MAP3K13: variants seen among roughly 807,000 people sequenced by gnomAD.
MAP3K13 encodes mitogen-activated protein kinase kinase kinase 13.
MAP3K13 carries 52 observed loss-of-function variants against 104.0 expected under a neutral mutation model. That is an observed-to-expected ratio of 0.50 (90% CI 0.40 to 0.63). The LOEUF (loss-of-function observed/expected upper bound fraction) is 0.63, where lower values mean the gene tolerates loss of function less well. Among genes scored for constraint, MAP3K13 ranks in the 20% least tolerant of loss-of-function variants. The pLI is 0.00. For missense variants in MAP3K13, 914 were observed against 1,218.5 expected (o/e 0.75, Z 3.72); for synonymous variants, 394 against 442.2 (o/e 0.89, Z 1.37).
chr3:185,375,396 G>A (rs747495099), intron 1 of MAP3K13, among the ~76,000 whole-genome samples: 4 of 152,200 alleles, frequency 2.6e-5, no homozygotes, highest in Admixed American at 2.0e-4. Context: ...GGAACACTGA[G>A]AAGTGATTTC....
chr3:185,385,794 G>A (rs556583529), intron 1 of MAP3K13, among the ~76,000 whole-genome samples: 1 of 152,254 alleles, frequency 6.6e-6, no homozygotes, highest in African/African-American at 2.4e-5. Context: ...CCTGAGGTCA[G>A]GAGTTCGAGA....
In MAP3K13 at chr3:185,488,069, T is replaced by C. The variant is rs974097452; in HGVS notation, c.*5613T>C. 6.6e-6 allele frequency: 1 copy of C among 152,240 alleles called. No individual in the cohort carries two copies. Among genetic ancestry groups the C allele is most frequent in the Non-Finnish European group, 1.5e-5 (1 of 68,040 alleles). The allele number at this position is 152,240 out of a possible 1,614,324, so 9.4% of individuals were successfully genotyped here. ...GATCCCATTCCAAAATGTCTCTTCA[T>C]TCACATCATTTAATTCTGTTGAATG... On this transcript the variant is annotated 3_prime_UTR_variant, in exon 14 of 14. Transcript: ENST00000265026.
rs548197272 is a variant in MAP3K13, at chr3:185,483,647, T to C, written c.*1191T>C. 3.8e-4 allele frequency: 79 copies of C among 210,616 alleles called. No homozygotes were observed. The highest frequency in any genetic ancestry group is 6.4e-4 in the Non-Finnish European group (67 of 103,882). The allele number at this position is 210,616 out of a possible 1,614,324, so 13.0% of individuals were successfully genotyped here. A position where few individuals can be genotyped will look rare whatever the true frequency, so the allele number is the denominator to read the frequency against. On this transcript the variant is annotated 3_prime_UTR_variant, in exon 14 of 14. Coordinates refer to ENST00000265026, the MANE Select transcript of MAP3K13 (RefSeq NM_004721.5). ...GGCAGCTAGGATGTATGTGTGTCTATACAATGTCTGAGCCCAAACCATCCC... is the reference window on the plus strand; with the variant it reads ...GGCAGCTAGGATGTATGTGTGTCTACACAATGTCTGAGCCCAAACCATCCC...
chr3:185,465,875 G>A lies in MAP3K13; in HGVS notation c.1505+12G>A. The A allele has an allele frequency of 6.4e-7, 1 of 1,567,664 alleles. No homozygotes were observed. The highest frequency in any genetic ancestry group is 1.1e-5 in the South Asian group (1 of 90,038). On this transcript the variant is annotated intron_variant, in intron 9 of 13. Coordinates refer to ENST00000265026, the MANE Select transcript of MAP3K13 (RefSeq NM_004721.5). ...AAGGAGCTCATTAAGTATGTATCCA[G>A]ACTAGTGTCTGTTCTTACTGATTTG...
intron 1 of MAP3K13, among the ~76,000 whole-genome samples, chr3:185,411,375 C>G (rs1167551544): frequency 6.6e-6 from 1 of 152,180 alleles, no homozygotes; most frequent in African/African-American, 2.4e-5. Flanking sequence ...AATCTTATTA[C>G]TGTTATTTTG....
At chr3:185,454,649 T>TATGA in intron 7 of MAP3K13, among the ~76,000 whole-genome samples, 1 of 93,336 alleles carries the variant, frequency 1.1e-5, no homozygotes, top group Non-Finnish European at 2.0e-5. Flanking sequence ...GATATATATA[T>TATGA]GATATATATA....
In MAP3K13 at chr3:185,437,591, A is replaced by T. The variant is rs571598945; in HGVS notation, c.620A>T (p.His207Leu). ...GAACAGAATGAGACGGATATCAAGC[A>T]TTTGAGGAAGTTGAAGCACCCTAAC... ...VREQNETDIK[H>L]LRKLKHPNII... The change falls in exon 3 of 14, where the codon CAT (histidine) becomes CTT (leucine). Residue 207 changes from histidine (H) to leucine (L), a missense_variant. Transcript: ENST00000265026. 19 of 1,612,998 alleles carry T rather than the reference A, an allele frequency of 1.2e-5. No individual in the cohort carries two copies. In the East Asian group the frequency reaches 4.0e-4, roughly 34 times the overall value.
chr3:185,412,003 C>T (rs931889034), intron 1 of MAP3K13, among the ~76,000 whole-genome samples: 1 of 151,962 alleles, frequency 6.6e-6, no homozygotes, highest in African/African-American at 2.4e-5. Context: ...AGGCTGGTCT[C>T]GAACTCTGGA....
intron 1 of MAP3K13, among the ~76,000 whole-genome samples, chr3:185,368,621 G>A (rs1724002501): frequency 6.6e-6 from 1 of 152,020 alleles, no homozygotes; most frequent in Non-Finnish European, 1.5e-5. Context: ...AGGGTGGAGG[G>A]CCCATGTACC....
intron 2 of MAP3K13, among the ~76,000 whole-genome samples, chr3:185,317,883 T>G (rs1054198677): frequency 1.3e-5 from 2 of 152,088 alleles, no homozygotes; most frequent in Non-Finnish European, 2.9e-5. Flanking sequence ...ACAAAAGTGG[T>G]TTCTATTTGA....
chr3:185,296,953 T>C (rs564943137), intron 2 of MAP3K13, among the ~76,000 whole-genome samples: 88 of 152,336 alleles, frequency 5.8e-4, no homozygotes, highest in Non-Finnish European at 1.1e-3. Flanking sequence ...AAAGTTAATG[T>C]ACAGAAGGTC....
chr3:185,343,633 A>G (rs1722803724), intron 2 of MAP3K13, among the ~76,000 whole-genome samples: 1 of 152,040 alleles, frequency 6.6e-6, no homozygotes, highest in Admixed American at 6.6e-5. Context: ...TGGTATTTTT[A>G]GTAGAGATGG....
At chr3:185,373,880 G>A (rs1724287473) in intron 1 of MAP3K13, among the ~76,000 whole-genome samples, 2 of 146,770 alleles carry the variant, frequency 1.4e-5, no homozygotes, top group Admixed American at 1.4e-4. Flanking sequence ...TCACCTGGGT[G>A]CAGGCGGGCT....
At position 185,477,487 on chromosome 3, in the gene MAP3K13, T is replaced by TC. The variant is rs1718197606; in HGVS notation, c.2501+94dup. On this transcript the variant is annotated intron_variant, in intron 12 of 13. Coordinates refer to ENST00000265026, the MANE Select transcript of MAP3K13 (RefSeq NM_004721.5). ...CACCTGCTCTTCAACCACAGGTGATTCCCTGGCAGCCACCTTATAGGGAAC... is the reference window on the plus strand; with the variant it reads ...CACCTGCTCTTCAACCACAGGTGATTCCCCTGGCAGCCACCTTATAGGGAAC... 46 of 909,550 alleles carry TC rather than the reference T, an allele frequency of 5.1e-5. No individual in the cohort carries two copies. The South Asian group carries it at 6.6e-4, about 13-fold the overall frequency. 56.3% of individuals were successfully genotyped at this position (909,550 alleles called of 1,614,324 possible). A position where few individuals can be genotyped will look rare whatever the true frequency, so the allele number is the denominator to read the frequency against.
upstream of MAP3K13, among the ~76,000 whole-genome samples, chr3:185,360,242 AC>A (rs1723546589): frequency 6.6e-6 from 1 of 152,230 alleles, no homozygotes; most frequent in Non-Finnish European, 1.5e-5. Context: ...ATTGTTGCAT[AC>A]CATAGCCACC....
Position 185,315,214 on chromosome 3 carries a change from C to T in MAP3K13, c.-86+29571C>T, listed in dbSNP as rs1237098907. On this transcript the variant is annotated intron_variant, in intron 2 of 14. Coordinates refer to the MAP3K13 transcript ENST00000424227. The surrounding 1 kb of genome is among the most constrained non-coding windows in gnomAD (Gnocchi z 4.3). ...GCAGTGAGCTGAGATCGCACCACTG[C>T]ACTCCAGCCTGGGTGACAGAGCAAG... 2.6e-5 allele frequency among the ~76,000 whole-genome samples: 4 copies of T among 151,962 alleles called. No individual in the cohort carries two copies. The highest frequency in any genetic ancestry group is 7.3e-5 in the African/African-American group (3 of 41,370).
chr3:185,453,045 C>T (rs1715980808), intron 7 of MAP3K13, among the ~76,000 whole-genome samples: 1 of 152,022 alleles, frequency 6.6e-6, no homozygotes, highest in African/African-American at 2.4e-5. Context: ...TAAAAGGGTG[C>T]AAATGTCATA....
At chr3:185,318,677 A>C (rs376428992) in intron 2 of MAP3K13, among the ~76,000 whole-genome samples, 1 of 152,192 alleles carries the variant, frequency 6.6e-6, no homozygotes, top group Non-Finnish European at 1.5e-5. Context: ...GAAAGTTTCT[A>C]TATAATTTAT....
chr3:185,314,587 G>T (rs770139163), intron 2 of MAP3K13, among the ~76,000 whole-genome samples: 1 of 151,992 alleles, frequency 6.6e-6, no homozygotes, highest in Non-Finnish European at 1.5e-5. Context: ...CTGCATTCCA[G>T]CCTGGGTGAG....
Sources: allele counts gnomAD v4.1 joint callset (sites outside exome capture counted in the v4.1 genomes callset), GRCh38; gene constraint gnomAD v4.1.1; non-coding constraint Gnocchi (gnomAD v3.1); transcripts MANE v1.5; gene names NCBI Gene and HGNC (gene_info 2026-07-23, HGNC 2026-07-21).